PKHD1: variants seen among roughly 807,000 people sequenced by gnomAD.
The protein encoded by PKHD1 is fibrocystin.
In PKHD1, 291 loss-of-function variants were observed where a neutral mutation model predicts 412.0. That is an observed-to-expected ratio of 0.71 (90% CI 0.64 to 0.78). The LOEUF (loss-of-function observed/expected upper bound fraction) is 0.78. Among genes scored for constraint, PKHD1 ranks in the 30% least tolerant of loss-of-function variants. PKHD1 has a pLI of 0.00. For synonymous variants in PKHD1, 1,777 were observed against 1,821.5 expected (o/e 0.98, Z 0.62); for missense variants, 4,825 against 4,950.7 (o/e 0.97, Z 0.76).
At chr6:51,867,808 GAA>G (rs1775320166) in intron 48 of PKHD1, 53 bp downstream of exon 48, 13 of 1,528,254 alleles carry the variant, frequency 8.5e-6, no homozygotes, top group Non-Finnish European at 1.2e-5. Context: ...TCGACAGCCA[GAA>G]TAACAGATGC....
intron 60 of PKHD1, among the ~76,000 whole-genome samples, chr6:51,677,053 AATT>A (rs1285182959): frequency 6.6e-6 from 1 of 152,166 alleles, no homozygotes; most frequent in Non-Finnish European, 1.5e-5. Flanking sequence ...TGGTAGTTCT[AATT>A]ATTATGAAAA....
chr6:52,081,243 C>T (rs1345507615), intron 4 of PKHD1, among the ~76,000 whole-genome samples: 1 of 152,142 alleles, frequency 6.6e-6, no homozygotes, highest in Non-Finnish European at 1.5e-5. Context: ...TGTTTCATGG[C>T]AAGTCTTTGC....
At position 52,000,485 on chromosome 6, in the gene PKHD1, A is replaced by G. The variant is rs1400178388; in HGVS notation, c.5751+9824T>C. The stretch of plus-strand genomic sequence containing the variant: ...TATGGTTTCATTGAGAAAATTACAC[A>G]CAGTATTTATTTAGAAAAAAATAAT... On this transcript the variant is annotated intron_variant, in intron 35 of 66. Transcript: ENST00000371117. Among the ~76,000 whole-genome samples, 3 of 152,228 alleles carry G rather than the reference A, an allele frequency of 2.0e-5. No homozygotes were observed. In the East Asian group the frequency reaches 5.8e-4, roughly 29 times the overall value.
At chr6:52,051,037 C>A (rs1046367320) in intron 21 of PKHD1, among the ~76,000 whole-genome samples, 8 of 152,192 alleles carry the variant, frequency 5.3e-5, no homozygotes, top group African/African-American at 7.2e-5. Flanking sequence ...AAGGGCAACA[C>A]CTTTGTCTAA....
intron 39 of PKHD1, 63 bp from the exon 40 acceptor site, chr6:51,909,537 C>A: frequency 3.1e-6 from 4 of 1,298,776 alleles, no homozygotes; most frequent in Non-Finnish European, 2.2e-6. Flanking sequence ...AGACAAATCT[C>A]CCAGTTTGAA....
intron 7 of PKHD1, 61 bp from the exon 8 acceptor site, chr6:52,072,250 A>G (rs1810731324): frequency 2.0e-6 from 2 of 1,011,362 alleles, no homozygotes; most frequent in Non-Finnish European, 3.1e-6. Flanking sequence ...CTCCCAATAA[A>G]CATTCCTCAC....
At chr6:51,853,577 G>A (rs1562467011) in intron 49 of PKHD1, among the ~76,000 whole-genome samples, 1 of 152,122 alleles carries the variant, frequency 6.6e-6, no homozygotes. Flanking sequence ...CATAGGTTCA[G>A]TCTTTTTATG....
At chr6:51,963,767 A>C (rs887487643) in intron 35 of PKHD1, among the ~76,000 whole-genome samples, 6 of 152,138 alleles carry the variant, frequency 3.9e-5, no homozygotes, top group African/African-American at 1.4e-4. Context: ...GATTTTGTGA[A>C]TATATTTGAG....
chr6:52,079,664 A>C (rs1432334437), intron 5 of PKHD1, among the ~76,000 whole-genome samples: 1 of 152,212 alleles, frequency 6.6e-6, no homozygotes, highest in African/African-American at 2.4e-5. Flanking sequence ...GCTACCCCAT[A>C]AAATTGTGAG....
intron 37 of PKHD1, among the ~76,000 whole-genome samples, chr6:51,918,048 A>T (rs1401331676): frequency 1.3e-5 from 2 of 152,134 alleles, no homozygotes; most frequent in Non-Finnish European, 2.9e-5. Flanking sequence ...TGAGAGCCTG[A>T]TGTGTTACTC....
intron 21 of PKHD1, among the ~76,000 whole-genome samples, chr6:52,051,624 G>A (rs973096482): frequency 7.2e-5 from 11 of 152,168 alleles, no homozygotes; most frequent in Non-Finnish European, 1.3e-4. Flanking sequence ...GTGGCAAAGA[G>A]GTGAGGGCAG....
chr6:51,902,918 AC>A (rs1327937098), intron 43 of PKHD1, among the ~76,000 whole-genome samples: 11 of 152,170 alleles, frequency 7.2e-5, no homozygotes, highest in African/African-American at 2.7e-4. Context: ...ATCTGACATG[AC>A]CTTATACACC....
intron 53 of PKHD1, among the ~76,000 whole-genome samples, chr6:51,780,030 T>TA (rs111903957): frequency 0.17 from 25,418 of 151,984 alleles, 2,567 homozygotes; most frequent in African/African-American, 0.28. Flanking sequence ...CAATTCATAA[T>TA]AAAAAAATTT....
intron 30 of PKHD1, 48 bp downstream of exon 30, chr6:52,028,108 T>G (rs1802495688): frequency 6.5e-7 from 1 of 1,540,518 alleles, no homozygotes; most frequent in Non-Finnish European, 9.0e-7. Context: ...CCTAGCTGAA[T>G]GCTAGACCAT....
Position 51,996,970 on chromosome 6 carries a change from A to G in PKHD1, c.5751+13339T>C, listed in dbSNP as rs116296166. On this transcript the variant is annotated intron_variant, in intron 35 of 66. Coordinates refer to ENST00000371117, the MANE Select transcript of PKHD1 (RefSeq NM_138694.4). ...AGCTCTATTCTATAAGTGCACAGTG[A>G]TCACTCATTGGCCAAAACCAATCAA... 3.1e-3 allele frequency among the ~76,000 whole-genome samples: 479 copies of G among 152,338 alleles called. 5 individuals are homozygous for G. The highest frequency in any genetic ancestry group is 0.011 in the African/African-American group (460 of 41,570).
intron 36 of PKHD1, among the ~76,000 whole-genome samples, chr6:51,936,913 C>T (rs1352986231): frequency 6.6e-6 from 1 of 152,202 alleles, no homozygotes; most frequent in African/African-American, 2.4e-5. Flanking sequence ...CCCTGCAAAG[C>T]TGTCTCTTGT....
chr6:51,819,699 C>T (rs1294401661), intron 52 of PKHD1, among the ~76,000 whole-genome samples: 3 of 152,128 alleles, frequency 2.0e-5, no homozygotes, highest in Non-Finnish European at 4.4e-5. Flanking sequence ...AGTTATGCAC[C>T]CAGTAAATAG....
chr6:51,662,799 A>G (rs932155128), intron 60 of PKHD1, among the ~76,000 whole-genome samples: 10 of 151,456 alleles, frequency 6.6e-5, no homozygotes, highest in Admixed American at 4.6e-4. Context: ...ACATTTGCCA[A>G]CACATTCAAC....
intron 35 of PKHD1, among the ~76,000 whole-genome samples, chr6:51,989,173 T>C (rs1219319128): frequency 6.6e-6 from 1 of 152,122 alleles, no homozygotes; most frequent in Admixed American, 6.5e-5. Flanking sequence ...CTACAAAAAC[T>C]TCATGAGAGA....
Sources: gnomAD v4.1 joint callset for allele counts (sites outside exome capture counted in the v4.1 genomes callset) on GRCh38, gnomAD v4.1.1 for gene constraint, MANE v1.5 for transcripts, NCBI Gene and HGNC (gene_info 2026-07-23, HGNC 2026-07-21) for gene names.